The following INPP5K variants were observed in gnomAD, a reference collection of about 807,000 sequenced individuals.
The protein encoded by INPP5K is inositol polyphosphate-5-phosphatase K.
INPP5K carries 35 observed loss-of-function variants against 53.5 expected under a neutral mutation model. That is an observed-to-expected ratio of 0.65 (90% CI 0.50 to 0.87). The LOEUF (loss-of-function observed/expected upper bound fraction) is 0.87, where lower values mean the gene tolerates loss of function less well. INPP5K is among the 40% of genes least tolerant of loss of function. The pLI is 0.00. For synonymous variants in INPP5K, 253 were observed against 232.8 expected (o/e 1.09, Z -0.79); for missense variants, 550 against 586.2 (o/e 0.94, Z 0.64).
intron 3 of INPP5K, among the ~76,000 whole-genome samples, chr17:1,512,310 T>C (rs541652153): frequency 9.4e-4 from 143 of 151,642 alleles, no homozygotes; most frequent in African/African-American, 3.3e-3. Flanking sequence ...GAGAGAGAAG[T>C]GGTTGTGTCC....
intron 7 of INPP5K, among the ~76,000 whole-genome samples, chr17:1,500,582 G>T (rs1382287071): frequency 6.6e-6 from 1 of 152,276 alleles, no homozygotes; most frequent in African/African-American, 2.4e-5. Flanking sequence ...AGCCAGGATG[G>T]TCTTGATCTC....
At chr17:1,512,063 G>A (rs539427357) in intron 3 of INPP5K, among the ~76,000 whole-genome samples, 1 of 152,290 alleles carries the variant, frequency 6.6e-6, no homozygotes, top group East Asian at 1.9e-4. Flanking sequence ...TCTATAGCTG[G>A]CAAATGCACG....
chr17:1,508,622 G>T, intron 5 of INPP5K: 1 of 308,788 alleles, frequency 3.2e-6, no homozygotes, highest in Non-Finnish European at 6.2e-6. Context: ...CAAAGCAAGG[G>T]GAGACAGCAG....
Position 1,494,611 on chromosome 17 carries a change from T to G in INPP5K, c.*1212A>C, listed in dbSNP as rs1481132069. ...CGCTAATAATTACCCCTGCACAATG[T>G]AACAGTCACAAAACAGCCAGCCATG... On this transcript the variant is annotated 3_prime_UTR_variant, in exon 12 of 12. Coordinates refer to ENST00000421807, the MANE Select transcript of INPP5K (RefSeq NM_016532.4). 1 of 152,134 alleles carries G rather than the reference T, an allele frequency of 6.6e-6. No individual in the cohort carries two copies. 9.4% of individuals were successfully genotyped at this position (152,134 alleles called of 1,614,324 possible).
intron 4 of INPP5K, among the ~76,000 whole-genome samples, 162 bp downstream of exon 4, chr17:1,509,521 C>T (rs572999816): frequency 6.6e-6 from 1 of 152,248 alleles, no homozygotes; most frequent in Non-Finnish European, 1.5e-5. Flanking sequence ...CAGCTCGCCT[C>T]GCCTGGCCTC....
chr17:1,509,264 G>T lies in INPP5K; in HGVS notation c.468C>A (p.Asn156Lys). The change falls in exon 5 of 12, where the codon AAC (asparagine) becomes AAA (lysine). Residue 156 changes from asparagine (N) to lysine (K), a missense_variant. Asn to Lys is a moderately conservative substitution (Grantham distance 94). Transcript: ENST00000421807. ...INCHLPPHIS[N>K]NYQRLEHFDR... is the part of the protein sequence containing the mutation. ...CAAAGTGCTCCAGCCGCTGGTAATT[G>T]TTGGAAATGTGGGGAGGCAGGTGGC... 6.2e-7 allele frequency: 1 copy of T among 1,614,114 alleles called. No individual in the cohort carries two copies. Among genetic ancestry groups the T allele is most frequent in the Non-Finnish European group, 8.5e-7 (1 of 1,180,016 alleles).
At chr17:1,500,183 G>T (rs1109303) in intron 7 of INPP5K, among the ~76,000 whole-genome samples, 95,203 of 152,108 alleles carry the variant, frequency 0.63, 30,057 homozygotes, top group African/African-American at 0.69. Context: ...GGCTTTCAAG[G>T]GGCTCAGGAG....
At chr17:1,503,031 G>A (rs542809262) in intron 7 of INPP5K, among the ~76,000 whole-genome samples, 3 of 151,588 alleles carry the variant, frequency 2.0e-5, no homozygotes, top group South Asian at 2.1e-4. Context: ...CTGGGACTAC[G>A]GGTATGTGCC....
intron 7 of INPP5K, among the ~76,000 whole-genome samples, chr17:1,499,975 G>T (rs1250933648): frequency 6.6e-6 from 1 of 152,180 alleles, no homozygotes. Context: ...CATCGACAGG[G>T]TCTTGCTGTG....
Position 1,508,110 on chromosome 17 carries a change from G to A in INPP5K, c.666+5C>T. 6.2e-7 allele frequency: 1 copy of A among 1,604,708 alleles called. No individual in the cohort carries two copies. Among genetic ancestry groups the A allele is most frequent in the South Asian group, 1.1e-5 (1 of 90,880 alleles). On this transcript the variant is annotated splice_donor_5th_base_variant and intron_variant, in intron 6 of 11. Coordinates refer to ENST00000421807, the MANE Select transcript of INPP5K (RefSeq NM_016532.4). Reference sequence around the variant, plus strand: ...ACCCCCTGGGACCCTCCCCTCACTGGATACCTGGTCCTTCTCCCACAGGCC... The same window carrying A: ...ACCCCCTGGGACCCTCCCCTCACTGAATACCTGGTCCTTCTCCCACAGGCC...
At chr17:1,502,821 G>A (rs1403630775) in intron 7 of INPP5K, among the ~76,000 whole-genome samples, 2 of 151,796 alleles carry the variant, frequency 1.3e-5, no homozygotes, top group African/African-American at 4.8e-5. Context: ...CTTGAACTCC[G>A]AGGCTCAAAT....
intron 7 of INPP5K, among the ~76,000 whole-genome samples, chr17:1,501,860 C>A (rs1395818100): frequency 1.5e-5 from 2 of 137,590 alleles, no homozygotes; most frequent in South Asian, 2.2e-4. Flanking sequence ...CTACTAAAAA[C>A]ACACACACAC....
At chr17:1,513,827 C>T in intron 2 of INPP5K, 45 bp downstream of exon 2, 1 of 1,440,552 alleles carries the variant, frequency 6.9e-7, no homozygotes, top group Non-Finnish European at 9.7e-7. Context: ...CACAGGGAAA[C>T]CTGGGACTGG....
chr17:1,510,480 T>C (rs1292384518), intron 3 of INPP5K: 1 of 152,320 alleles, frequency 6.6e-6, no homozygotes, highest in Non-Finnish European at 1.5e-5. Flanking sequence ...GTGCTGGGAT[T>C]GTAGGCGTGA....
intron 7 of INPP5K, among the ~76,000 whole-genome samples, chr17:1,502,150 C>T (rs192104179): frequency 1.2e-4 from 18 of 152,032 alleles, no homozygotes; most frequent in Admixed American, 3.3e-4. Context: ...GACATGGAGA[C>T]CATCCTGGCT....
In INPP5K at chr17:1,495,886, G is replaced by A. The variant is rs1567544176; in HGVS notation, c.1291-7C>T. On this transcript the variant is annotated splice_polypyrimidine_tract_variant and splice_region_variant and intron_variant, in intron 11 of 11. Transcript: ENST00000421807. Reference sequence around the variant, plus strand: ...TCAAGGAGCCAGGCGGGATCTGCAGGGATAAAGCAGGTGGTGGAAATGGAG... The same window carrying A: ...TCAAGGAGCCAGGCGGGATCTGCAGAGATAAAGCAGGTGGTGGAAATGGAG... 1 of 1,609,324 alleles carries A rather than the reference G, an allele frequency of 6.2e-7. No homozygotes were observed. The highest frequency in any genetic ancestry group is 8.5e-7 in the Non-Finnish European group (1 of 1,176,144).
At chr17:1,502,453 T>C (rs766420660) in intron 7 of INPP5K, among the ~76,000 whole-genome samples, 5 of 152,200 alleles carry the variant, frequency 3.3e-5, no homozygotes, top group Admixed American at 6.5e-5. Context: ...GGAGCCCATA[T>C]ATGCTGTCAT....
At chr17:1,496,832 A>C (rs2074862623) in intron 8 of INPP5K, 29 bp from the exon 9 acceptor site, 1 of 1,608,612 alleles carries the variant, frequency 6.2e-7, no homozygotes, top group East Asian at 2.2e-5. Flanking sequence ...AGGGGGCTGA[A>C]TCTCGCAGCA....
chr17:1,507,316 C>T (rs2075182516), intron 6 of INPP5K: 7 of 549,548 alleles, frequency 1.3e-5, no homozygotes, highest in South Asian at 2.3e-5. Context: ...AGCTGTCTGC[C>T]GTTTCCCAGT....
Sources: gnomAD v4.1 joint callset for allele counts (sites outside exome capture counted in the v4.1 genomes callset) on GRCh38, gnomAD v4.1.1 for gene constraint, MANE v1.5 for transcripts, NCBI Gene and HGNC (gene_info 2026-07-23, HGNC 2026-07-21) for gene names.